CLINT1: variants seen among roughly 807,000 people sequenced by gnomAD.
The protein encoded by CLINT1 is clathrin interacting protein localized in the trans-Golgi region.
Under a neutral mutation model 70.4 loss-of-function variants are expected in CLINT1, and 15 were observed. That is an observed-to-expected ratio of 0.21 (90% confidence interval 0.14 to 0.33). CLINT1 has a LOEUF of 0.33. CLINT1 is among the 10% of genes least tolerant of loss of function. The pLI, the probability that CLINT1 is intolerant of heterozygous loss-of-function variation, is 1.00. For missense variants in CLINT1, 615 were observed against 778.1 expected (o/e 0.79, Z 2.49); for synonymous variants, 227 against 254.7 (o/e 0.89, Z 1.04).
intron 9 of CLINT1, 48 bp from the exon 10 acceptor site, chr5:157,792,043 G>C: frequency 6.6e-7 from 1 of 1,507,802 alleles, no homozygotes; most frequent in East Asian, 2.3e-5. Flanking sequence ...GGAATGCACA[G>C]AACAAATGTA....
At chr5:157,827,798 CTG>C (rs932873584) in intron 1 of CLINT1, among the ~76,000 whole-genome samples, 4 of 152,194 alleles carry the variant, frequency 2.6e-5, no homozygotes, top group African/African-American at 7.2e-5. Flanking sequence ...ACCCCAGAAA[CTG>C]TTCCAAAAGA....
chr5:157,787,659 T>A lies in CLINT1; in HGVS notation c.1865A>T (p.Asn622Ile). The A allele has an allele frequency of 6.2e-7, 1 of 1,613,228 alleles. No individual in the cohort carries two copies. The highest frequency in any genetic ancestry group is 8.5e-7 in the Non-Finnish European group (1 of 1,179,310). Residue 622 changes from asparagine (N) to isoleucine (I), a missense_variant, in exon 12 of 12, where the codon AAT becomes ATT. Asn to Ile is a moderately radical substitution (Grantham distance 149, BLOSUM62 -3). This residue lies in a region of CLINT1 where 374 missense variants were observed against 409.6 expected (regional missense o/e 0.91). Transcript: ENST00000411809. ...TTTTACAATCTCTTATTTGCTAAAA[T>A]TGGCGAAATTTGCAAAGGCATCTTG... Reference protein sequence around the residue: ...PKQDAFANFANFSK With the variant: ...PKQDAFANFAIFSK
Position 157,785,981 on chromosome 5 carries a change from G to A in CLINT1, c.*1665C>T, listed in dbSNP as rs145398626. On this transcript the variant is annotated 3_prime_UTR_variant, in exon 12 of 12. Transcript: ENST00000411809. Reference sequence around the variant, plus strand: ...GTTGAAAGATTAAAAACCGCAGTCAGCTAATTACACTCACTCTCATCTCTT... The same window carrying A: ...GTTGAAAGATTAAAAACCGCAGTCAACTAATTACACTCACTCTCATCTCTT... The A allele has an allele frequency of 6.6e-6, 1 of 152,266 alleles. No individual in the cohort carries two copies. The highest frequency in any genetic ancestry group is 1.5e-5 in the Non-Finnish European group (1 of 68,006). 9.4% of individuals were successfully genotyped at this position (152,266 alleles called of 1,614,324 possible).
chr5:157,832,632 T>C (rs1763283821), intron 1 of CLINT1, among the ~76,000 whole-genome samples: 1 of 152,226 alleles, frequency 6.6e-6, no homozygotes, highest in African/African-American at 2.4e-5. Flanking sequence ...ATCTTTCTAA[T>C]ATTTAGTGTT....
At chr5:157,822,097 C>A (rs1012227736) in intron 1 of CLINT1, among the ~76,000 whole-genome samples, 1 of 152,116 alleles carries the variant, frequency 6.6e-6, no homozygotes, top group African/African-American at 2.4e-5. Flanking sequence ...GAATTGTACT[C>A]TCATAATTCC....
chr5:157,789,244 C>A, intron 11 of CLINT1, 119 bp downstream of exon 11: 2 of 836,414 alleles, frequency 2.4e-6, no homozygotes, highest in Non-Finnish European at 4.0e-6. Flanking sequence ...AGTGAACAGG[C>A]ATTTGGTTAA....
At chr5:157,833,148 C>T (rs1763300845) in intron 1 of CLINT1, among the ~76,000 whole-genome samples, 2 of 152,100 alleles carry the variant, frequency 1.3e-5, no homozygotes, top group African/African-American at 2.4e-5. Context: ...GTCAGGAAAT[C>T]GAGACCAGCC....
rs746344405 is a variant in CLINT1, at chr5:157,791,893, G to A, written c.1190C>T (p.Ser397Leu). The A allele has an allele frequency of 1.1e-5, 18 of 1,613,846 alleles. 1 individual carries two copies. Among genetic ancestry groups the A allele is most frequent in the Middle Eastern group, 3.3e-4 (2 of 6,082 alleles). ...ASSGEFFGSA[S>L]QPAVELVSGS... is the part of the protein sequence containing the mutation. Reference sequence around the variant, plus strand: ...ACTAACAAGTTCTACCGCTGGCTGTGAGGCACTGCCAAAGAACTCGCCACT... The same window carrying A: ...ACTAACAAGTTCTACCGCTGGCTGTAAGGCACTGCCAAAGAACTCGCCACT... The change falls in exon 10 of 12, where the codon TCA (serine) becomes TTA (leucine). Residue 397 changes from serine (S) to leucine (L), a missense_variant. Ser to Leu is a moderately radical substitution (Grantham distance 145). Coordinates refer to ENST00000411809, the MANE Select transcript of CLINT1 (RefSeq NM_014666.4).
chr5:157,820,730 G>A (rs1191165622), intron 1 of CLINT1, among the ~76,000 whole-genome samples: 1 of 151,786 alleles, frequency 6.6e-6, no homozygotes, highest in Non-Finnish European at 1.5e-5. Context: ...CAATCCCTCC[G>A]TGTTAAAAAT....
chr5:157,813,986 T>C (rs1391998993), intron 4 of CLINT1, among the ~76,000 whole-genome samples, 199 bp downstream of exon 4: 7 of 152,212 alleles, frequency 4.6e-5, no homozygotes, highest in Admixed American at 4.6e-4. Flanking sequence ...TTGGTTCTGT[T>C]GTTATTAGCC....
chr5:157,818,521 C>T lies in CLINT1; in HGVS notation c.42-974G>A, dbSNP rs528181707. 4.8e-5 allele frequency among the ~76,000 whole-genome samples: 7 copies of T among 145,072 alleles called. No homozygotes were observed. In the East Asian group the frequency reaches 6.0e-4, roughly 12 times the overall value. ...AAAATTAGCCAGACATGTTGGCATGCACCTGTAGTCCCAGCTACTAGGGAG... is the reference window on the plus strand; with the variant it reads ...AAAATTAGCCAGACATGTTGGCATGTACCTGTAGTCCCAGCTACTAGGGAG... On this transcript the variant is annotated intron_variant, in intron 1 of 11. Coordinates refer to ENST00000411809, the MANE Select transcript of CLINT1 (RefSeq NM_014666.4).
intron 1 of CLINT1, among the ~76,000 whole-genome samples, chr5:157,824,668 C>A (rs1176131175): frequency 1.3e-5 from 2 of 152,154 alleles, no homozygotes; most frequent in Non-Finnish European, 2.9e-5. Context: ...CTCCATATTG[C>A]AAGAATTCCA....
At chr5:157,801,138 C>T (rs143185404) in intron 8 of CLINT1, among the ~76,000 whole-genome samples, 129 of 152,258 alleles carry the variant, frequency 8.5e-4, no homozygotes, top group African/African-American at 3.0e-3. Flanking sequence ...GCATTACAGT[C>T]CAATCAAGTT....
chr5:157,846,867 G>A (rs567397512), intron 1 of CLINT1, among the ~76,000 whole-genome samples: 1 of 152,286 alleles, frequency 6.6e-6, no homozygotes, highest in East Asian at 1.9e-4. Flanking sequence ...AAGCCTAAAT[G>A]ATGGCGCATC....
At chr5:157,800,032 G>A (rs1762165728) in intron 8 of CLINT1, among the ~76,000 whole-genome samples, 1 of 152,024 alleles carries the variant, frequency 6.6e-6, no homozygotes. Flanking sequence ...ACTTAGAAAT[G>A]TACTTTATGT....
intron 1 of CLINT1, among the ~76,000 whole-genome samples, chr5:157,853,384 C>A (rs1753639386): frequency 6.6e-6 from 1 of 151,640 alleles, no homozygotes; most frequent in South Asian, 2.1e-4. Context: ...AAAGACTCAA[C>A]TGTAGAGCCA....
intron 1 of CLINT1, among the ~76,000 whole-genome samples, chr5:157,821,680 A>G (rs752324263): frequency 6.6e-6 from 1 of 152,208 alleles, no homozygotes; most frequent in Non-Finnish European, 1.5e-5. Context: ...CCTGATAAAG[A>G]TAGGTAATTA....
chr5:157,827,634 G>A (rs977426189), intron 1 of CLINT1, among the ~76,000 whole-genome samples: 3 of 152,242 alleles, frequency 2.0e-5, no homozygotes, highest in South Asian at 2.1e-4. Context: ...ACACGAATGC[G>A]ATAAGCCAAG....
intron 11 of CLINT1, among the ~76,000 whole-genome samples, 194 bp downstream of exon 11, chr5:157,789,169 T>A (rs138391307): frequency 6.6e-6 from 1 of 152,144 alleles, no homozygotes; most frequent in Non-Finnish European, 1.5e-5. Context: ...AGGACAAGAA[T>A]AGAATATAAA....
Sources: gnomAD v4.1 joint callset for allele counts (sites outside exome capture counted in the v4.1 genomes callset) on GRCh38, gnomAD v4.1.1 for gene constraint, gnomAD v4.1.1 regional missense constraint, MANE v1.5 for transcripts, NCBI Gene and HGNC (gene_info 2026-07-23, HGNC 2026-07-21) for gene names.